ARL15: variants seen among roughly 807,000 people sequenced by gnomAD.
ARL15 encodes the protein ADP-ribosylation factor-like protein 15.
In ARL15, 19 loss-of-function variants were observed where a neutral mutation model predicts 25.2. The observed-to-expected ratio is 0.75, with a 90% CI of 0.53 to 1.10. The LOEUF is 1.10. Among genes scored for constraint, ARL15 ranks in the 50% least tolerant of loss-of-function variants. The pLI is 0.00. For synonymous variants in ARL15, 94 were observed against 86.8 expected (o/e 1.08, Z -0.46); for missense variants, 220 against 246.0 (o/e 0.89, Z 0.71).
At chr5:54,262,421 C>G (rs1757517850) in intron 1 of ARL15, among the ~76,000 whole-genome samples, 1 of 152,150 alleles carries the variant, frequency 6.6e-6, no homozygotes, top group Admixed American at 6.5e-5. Context: ...TTGTGATCCA[C>G]AAAACTGTCT....
At chr5:54,097,711 A>G (rs1416587924) in intron 4 of ARL15, among the ~76,000 whole-genome samples, 2 of 152,180 alleles carry the variant, frequency 1.3e-5, no homozygotes, top group African/African-American at 4.8e-5. Flanking sequence ...TTTTCATCTA[A>G]AAGGAGTAAA....
intron 1 of ARL15, chr5:54,286,199 T>C (rs756023988): frequency 2.3e-4 from 35 of 152,342 alleles, no homozygotes; most frequent in Non-Finnish European, 4.3e-4. Flanking sequence ...ATATATTTTA[T>C]AGCTTCTTCA....
chr5:53,896,103 G>A (rs1744863888), intron 4 of ARL15, among the ~76,000 whole-genome samples: 1 of 152,016 alleles, frequency 6.6e-6, no homozygotes, highest in Non-Finnish European at 1.5e-5. Flanking sequence ...GCACCATGTC[G>A]GCTTGCTGCA....
intron 3 of ARL15, among the ~76,000 whole-genome samples, chr5:54,142,910 T>C (rs2112315241): frequency 6.6e-6 from 1 of 152,328 alleles, no homozygotes; most frequent in East Asian, 1.9e-4. Context: ...ATTTAGACCT[T>C]GGATCCATTT....
intron 4 of ARL15, among the ~76,000 whole-genome samples, chr5:54,109,162 T>G (rs1752668424): frequency 6.6e-6 from 1 of 151,972 alleles, no homozygotes; most frequent in African/African-American, 2.4e-5. Flanking sequence ...ACACCCTAAT[T>G]TAGAAGCTGT....
intron 4 of ARL15, among the ~76,000 whole-genome samples, chr5:53,997,239 G>A (rs531304936): frequency 6.6e-6 from 1 of 152,216 alleles, no homozygotes; most frequent in African/African-American, 2.4e-5. Flanking sequence ...GAGCTCAGAA[G>A]AGTTCCCTAA....
At chr5:54,193,292 T>C (rs1755457072) in intron 1 of ARL15, among the ~76,000 whole-genome samples, 1 of 152,154 alleles carries the variant, frequency 6.6e-6, no homozygotes, top group Non-Finnish European at 1.5e-5. Flanking sequence ...TGTCCAAAAT[T>C]GATACAAGTC....
chr5:54,011,836 C>A (rs1288811688), intron 4 of ARL15, among the ~76,000 whole-genome samples: 2 of 152,044 alleles, frequency 1.3e-5, no homozygotes, highest in African/African-American at 4.8e-5. Context: ...TGGTGAAATC[C>A]CGACTCTACT....
chr5:54,126,181 A>G (rs7713087), intron 3 of ARL15, among the ~76,000 whole-genome samples: 35,046 of 152,012 alleles, frequency 0.23, 4,504 homozygotes, highest in African/African-American at 0.34. Flanking sequence ...CTTTACTCAC[A>G]TTGTTTCATC....
chr5:54,039,816 A>AC (rs1349921487), intron 4 of ARL15, among the ~76,000 whole-genome samples: 18 of 151,246 alleles, frequency 1.2e-4, no homozygotes, highest in African/African-American at 4.1e-4. Flanking sequence ...AAAAAAAAAA[A>AC]AAAAAAAAAA....
chr5:53,991,905 AATACTT>A (rs779754639), intron 4 of ARL15, among the ~76,000 whole-genome samples: 2 of 152,176 alleles, frequency 1.3e-5, no homozygotes, highest in Non-Finnish European at 2.9e-5. Flanking sequence ...TGAAAAAAAT[AATACTT>A]ATAAATTGAA....
intron 1 of ARL15, among the ~76,000 whole-genome samples, chr5:54,302,683 A>ATAT (rs1758645256): frequency 1.3e-5 from 1 of 77,850 alleles, no homozygotes; most frequent in Non-Finnish European, 2.2e-5. Context: ...TAAAATTAAG[A>ATAT]TTTTTTTTTT....
chr5:54,009,622 C>T (rs934336755), intron 4 of ARL15, among the ~76,000 whole-genome samples: 1 of 152,140 alleles, frequency 6.6e-6, no homozygotes, highest in Admixed American at 6.6e-5. Context: ...GTCTTCAGCC[C>T]AAGAGATGGA....
At chr5:54,051,941 A>T (rs568629373) in intron 4 of ARL15, among the ~76,000 whole-genome samples, 12 of 152,360 alleles carry the variant, frequency 7.9e-5, no homozygotes, top group Non-Finnish European at 1.5e-4. Context: ...TAGCTATACA[A>T]TGGAATATTA....
intron 1 of ARL15, among the ~76,000 whole-genome samples, chr5:54,217,970 C>G (rs1756260344): frequency 6.6e-6 from 1 of 152,066 alleles, no homozygotes. Flanking sequence ...CTTAATGTAA[C>G]TAATCAAGCA....
In ARL15 at chr5:54,284,543, A is replaced by G. The variant is rs1009465338; in HGVS notation, c.48+25889T>C. ...CTCTAGCACCTATCATGAGAGAATT[A>G]ACTCTTTTTATGAGCTTTATCTTTT... is the stretch of plus-strand genomic sequence containing the variant. On this transcript the variant is annotated intron_variant, in intron 1 of 4. Coordinates refer to ENST00000504924, the MANE Select transcript of ARL15 (RefSeq NM_019087.3). Among the ~76,000 whole-genome samples the G allele has an allele frequency of 5.3e-5, 8 of 152,222 alleles. No individual in the cohort carries two copies. In the East Asian group the frequency reaches 1.3e-3, roughly 26 times the overall value.
intron 4 of ARL15, among the ~76,000 whole-genome samples, chr5:53,980,003 C>A (rs1283078274): frequency 2.6e-5 from 4 of 152,114 alleles, no homozygotes; most frequent in African/African-American, 4.8e-5. Flanking sequence ...CTGAACCTGG[C>A]CTAAAGTCTT....
At chr5:54,155,230 T>C (rs1245206783) in intron 2 of ARL15, among the ~76,000 whole-genome samples, 1 of 152,238 alleles carries the variant, frequency 6.6e-6, no homozygotes, top group Non-Finnish European at 1.5e-5. Context: ...ATATGTAATG[T>C]CACTCTGCAA....
chr5:54,278,173 C>A (rs1757971289), intron 1 of ARL15, among the ~76,000 whole-genome samples: 1 of 152,196 alleles, frequency 6.6e-6, no homozygotes, highest in Non-Finnish European at 1.5e-5. Context: ...GTTCCCAACG[C>A]AGGGAAGTCT....
Sources: allele counts gnomAD v4.1 joint callset (sites outside exome capture counted in the v4.1 genomes callset), GRCh38; gene constraint gnomAD v4.1.1; transcripts MANE v1.5; gene names NCBI Gene and HGNC (gene_info 2026-07-23, HGNC 2026-07-21).